MTO1: variants seen among roughly 807,000 people sequenced by gnomAD.
MTO1 encodes mitochondrial tRNA translation optimization 1.
A neutral mutation model predicts 71.6 loss-of-function variants in MTO1; 46 were observed. The ratio of observed to expected loss-of-function variants is 0.64; its 90% CI spans 0.51 to 0.82. The LOEUF (loss-of-function observed/expected upper bound fraction) is 0.82, where lower values mean the gene tolerates loss of function less well. Among genes scored for constraint, MTO1 ranks in the 40% least tolerant of loss-of-function variants. The pLI, the probability that MTO1 is intolerant of heterozygous loss-of-function variation, is 0.00. For synonymous variants in MTO1, 297 were observed against 312.1 expected, an observed-to-expected ratio of 0.95 and a Z score of 0.51; for missense variants, 773 against 867.5, an observed-to-expected ratio of 0.89 and a Z score of 1.37.
intron 9 of MTO1, among the ~76,000 whole-genome samples, chr6:73,483,743 C>T (rs2150038272): frequency 6.6e-6 from 1 of 151,022 alleles, no homozygotes; most frequent in South Asian, 2.1e-4. Context: ...CTCAGCCTCC[C>T]AAGTAGTTGG....
intron 1 of MTO1, among the ~76,000 whole-genome samples, chr6:73,464,889 G>A (rs1479277368): frequency 6.7e-6 from 1 of 150,256 alleles, no homozygotes; most frequent in Non-Finnish European, 1.5e-5. Flanking sequence ...TCTTGATGTG[G>A]TGGCAGTGGA....
chr6:73,489,090 C>G (rs1205324719), intron 9 of MTO1, among the ~76,000 whole-genome samples: 1 of 152,098 alleles, frequency 6.6e-6, no homozygotes, highest in Non-Finnish European at 1.5e-5. Flanking sequence ...TTCCTTAGGT[C>G]TTTAATACAT....
Position 73,482,567 on chromosome 6 carries a change from G to GA in MTO1, c.1590dup (p.Leu531IlefsTer10). The GA allele has an allele frequency of 1.9e-6, 3 of 1,611,734 alleles. No homozygotes were observed. The highest frequency in any genetic ancestry group is 2.2e-5 in the East Asian group (1 of 44,874). On this transcript the variant is annotated frameshift_variant, in exon 9 of 12. Transcript: ENST00000498286. LOFTEE classifies it high-confidence loss of function. ...CTATTGAGTTTTTGAGCTCTAAATG[G>GA]AAAAAATTAATCCCAGAGGCTTCTA...
intron 11 of MTO1, 81 bp downstream of exon 11, chr6:73,497,977 G>T: frequency 8.1e-7 from 1 of 1,240,634 alleles, no homozygotes; most frequent in Non-Finnish European, 1.1e-6. Context: ...GGGTTATAAT[G>T]GCCATATAAC....
rs998007323 is a variant in MTO1, at chr6:73,507,490, TAA to T, written c.*6757_*6758del. The T allele has an allele frequency of 1.3e-5, 2 of 152,232 alleles. No homozygotes were observed. Among genetic ancestry groups the T allele is most frequent in the African/African-American group, 4.8e-5 (2 of 41,452 alleles). 9.4% of individuals were successfully genotyped at this position (152,232 alleles called of 1,614,324 possible). On this transcript the variant is annotated 3_prime_UTR_variant, in exon 12 of 12. Coordinates refer to ENST00000498286, the MANE Select transcript of MTO1 (RefSeq NM_012123.4). Reference sequence around the variant, plus strand: ...TTTTTCTAAAAAGTTTTTAAAAACTTAAAGTCTTACTGATCTCTTCCTATGCT... The same window carrying T: ...TTTTTCTAAAAAGTTTTTAAAAACTTAGTCTTACTGATCTCTTCCTATGCT...
At chr6:73,481,072 C>A in intron 7 of MTO1, 1 of 428,768 alleles carries the variant, frequency 2.3e-6, no homozygotes. Context: ...CCTGCCTCAG[C>A]CCTCCCTAGT....
At chr6:73,476,033 A>G (rs1036833459) in intron 4 of MTO1, among the ~76,000 whole-genome samples, 3 of 152,224 alleles carry the variant, frequency 2.0e-5, no homozygotes, top group Admixed American at 2.0e-4. Flanking sequence ...GGGATTTCAG[A>G]CATAGCAGAG....
At chr6:73,483,083 C>T (rs1483847815) in intron 9 of MTO1, among the ~76,000 whole-genome samples, 2 of 152,002 alleles carry the variant, frequency 1.3e-5, no homozygotes, top group South Asian at 2.1e-4. Flanking sequence ...TGAGCCACTG[C>T]ACCCGGCCTA....
intron 4 of MTO1, among the ~76,000 whole-genome samples, chr6:73,478,016 C>T (rs1026244450): frequency 2.6e-4 from 39 of 151,836 alleles, no homozygotes; most frequent in Non-Finnish European, 1.5e-4. Flanking sequence ...TTTGGGAGGC[C>T]AAGGCAGGTG....
chr6:73,503,368 C>T lies in MTO1; in HGVS notation c.*2633C>T, dbSNP rs1772212766. 6.6e-6 allele frequency: 1 copy of T among 152,258 alleles called. No individual in the cohort carries two copies. Among genetic ancestry groups the T allele is most frequent in the Non-Finnish European group, 1.5e-5 (1 of 68,090 alleles). The allele number at this position is 152,258 out of a possible 1,614,324, so 9.4% of individuals were successfully genotyped here. A position where few individuals can be genotyped will look rare whatever the true frequency, so the allele number is the denominator to read the frequency against. ...CCTCAAATGATCCTCTTGCCTTGGC[C>T]TCCCAAAGTGCTCAGATTACAGGCA... On this transcript the variant is annotated 3_prime_UTR_variant, in exon 12 of 12. Coordinates refer to ENST00000498286, the MANE Select transcript of MTO1 (RefSeq NM_012123.4).
At chr6:73,462,434 AACAAT>A in intron 1 of MTO1, 1 of 249,172 alleles carries the variant, frequency 4.0e-6, no homozygotes, top group Non-Finnish European at 7.9e-6. Flanking sequence ...TAACATTATT[AACAAT>A]GGTTTATGGC....
rs765385743 is a variant in MTO1 at position 73,497,157 on chromosome 6, C to CTTTTTTTT, written c.1757-573_1757-566dup. Among the ~76,000 whole-genome samples the CTTTTTTTT allele has an allele frequency of 5.4e-5, 5 of 92,714 alleles. 2 individuals carry two copies. The highest frequency in any genetic ancestry group is 9.9e-5 in the Non-Finnish European group (5 of 50,580). The allele number at this position is 92,714 out of a possible 152,430, so 60.8% of individuals were successfully genotyped here. On this transcript the variant is annotated intron_variant, in intron 10 of 11. Coordinates refer to ENST00000498286, the MANE Select transcript of MTO1 (RefSeq NM_012123.4). ...TTTGCACTGACAGCGGAAGCAAATT[C>CTTTTTTTT]TTTTTTTTTTTTTGAGACAGAGTCT...
intron 6 of MTO1, 176 bp from the exon 7 acceptor site, chr6:73,480,499 A>G (rs1771457342): frequency 1.3e-5 from 9 of 699,392 alleles, no homozygotes; most frequent in Middle Eastern, 3.9e-4. Flanking sequence ...CAAACTCCCG[A>G]CCTCAGGTGA....
chr6:73,483,680 C>T (rs1440213135), intron 9 of MTO1, among the ~76,000 whole-genome samples: 2 of 151,752 alleles, frequency 1.3e-5, no homozygotes, highest in African/African-American at 2.4e-5. Flanking sequence ...TGCAATGGTG[C>T]GATCTCGGCT....
At chr6:73,489,314 C>G (rs1375861754) in intron 9 of MTO1, among the ~76,000 whole-genome samples, 2 of 132,656 alleles carry the variant, frequency 1.5e-5, no homozygotes, top group Admixed American at 7.7e-5. Flanking sequence ...CTTTTAAGTT[C>G]TAGGGTACAT....
chr6:73,467,594 CAA>C (rs907267420), intron 3 of MTO1, among the ~76,000 whole-genome samples: 89 of 121,574 alleles, frequency 7.3e-4, no homozygotes, highest in Admixed American at 4.2e-3. Context: ...GCCTGGGCAA[CAA>C]GAGCGAAACT....
At chr6:73,482,952 C>T (rs1034362460) in intron 9 of MTO1, among the ~76,000 whole-genome samples, 2 of 151,678 alleles carry the variant, frequency 1.3e-5, no homozygotes, top group Admixed American at 6.6e-5. Context: ...CCACCGCGCC[C>T]GGCTAATTTT....
In MTO1 at chr6:73,500,734, A is replaced by G; in HGVS notation, c.2078A>G (p.Ter693TrpextTer12). The change falls in exon 12 of 12, where the codon TAG becomes TGG. Residue 693 changes from the stop codon to tryptophan (W), a stop_lost. Transcript: ENST00000498286. ...GACAGACTTCAAGAGAGAGAGTTAT[A>G]GCTTTCAATTCATAAAAGATTTTTA... is the stretch of plus-strand genomic sequence containing the variant. Reference protein sequence around the residue: ...DADRLQEREL* With the variant: ...DADRLQERELW 6.4e-7 allele frequency: 1 copy of G among 1,572,706 alleles called. No individual in the cohort carries two copies. The highest frequency in any genetic ancestry group is 8.6e-7 in the Non-Finnish European group (1 of 1,160,544).
intron 11 of MTO1, among the ~76,000 whole-genome samples, chr6:73,499,521 CAA>C (rs200492522): frequency 1.9e-4 from 21 of 108,762 alleles, no homozygotes; most frequent in South Asian, 3.0e-4. Flanking sequence ...AACCCTGTCT[CAA>C]AAAAAAAAAA....
Sources: gnomAD v4.1 joint callset for allele counts (sites outside exome capture counted in the v4.1 genomes callset) on GRCh38, gnomAD v4.1.1 for gene constraint, MANE v1.5 for transcripts, NCBI Gene and HGNC (gene_info 2026-07-23, HGNC 2026-07-21) for gene names.